The following CAPN5 variants were observed in gnomAD, a reference collection of about 807,000 sequenced individuals.
CAPN5 encodes the protein calpain-5.
CAPN5 carries 54 observed loss-of-function variants against 73.0 expected under a neutral mutation model. The observed-to-expected ratio is 0.74, with a 90% confidence interval of 0.59 to 0.93. The LOEUF (loss-of-function observed/expected upper bound fraction) is 0.93, where lower values mean the gene tolerates loss of function less well. Ranked by LOEUF, CAPN5 falls within the 40% of genes least tolerant of loss-of-function variation. The pLI is 0.00. For missense variants in CAPN5, 785 were observed against 882.9 expected, an observed-to-expected ratio of 0.89 and a Z score of 1.41; for synonymous variants, 335 against 356.9, an observed-to-expected ratio of 0.94 and a Z score of 0.69.
chr11:77,105,920 G>A (rs1313155811), intron 3 of CAPN5, among the ~76,000 whole-genome samples: 12 of 152,212 alleles, frequency 7.9e-5, no homozygotes, highest in African/African-American at 2.7e-4. Flanking sequence ...CACAGAGGGC[G>A]TGGAGGGGCT....
chr11:77,112,397 C>T (rs1205647909), intron 3 of CAPN5, among the ~76,000 whole-genome samples, 192 bp from the exon 4 acceptor site: 1 of 152,006 alleles, frequency 6.6e-6, no homozygotes, highest in South Asian at 2.1e-4. Context: ...CCAAGCCTCG[C>T]GGAGATGGGA....
intron 5 of CAPN5, among the ~76,000 whole-genome samples, chr11:77,115,113 G>GGAATATTTAACAATTTAAATATTCCC (rs1358149275): frequency 1.4e-4 from 21 of 152,134 alleles, no homozygotes; most frequent in Admixed American, 6.5e-4. Flanking sequence ...AACAATTCCT[G>GGAATATTTAACAATTTAAATATTCCC]GAATATTTAA....
At chr11:77,071,071 G>T (rs902450411) in intron 1 of CAPN5, among the ~76,000 whole-genome samples, 3 of 152,190 alleles carry the variant, frequency 2.0e-5, no homozygotes, top group Non-Finnish European at 4.4e-5. Context: ...CTTTGGGGCC[G>T]TCATTCAGCC....
At chr11:77,102,986 G>A (rs1389068584) in intron 3 of CAPN5, 9 of 1,613,304 alleles carry the variant, frequency 5.6e-6, no homozygotes, top group East Asian at 4.5e-5. Context: ...TGCAGCCAGC[G>A]GAGTCTGTGT....
At chr11:77,075,351 C>G (rs1229029353) in intron 1 of CAPN5, among the ~76,000 whole-genome samples, 1 of 152,204 alleles carries the variant, frequency 6.6e-6, no homozygotes, top group Non-Finnish European at 1.5e-5. Flanking sequence ...GGGTGCCACA[C>G]ACCTGTAGGA....
At position 77,102,183 on chromosome 11, in the gene CAPN5, C is replaced by T. The variant is rs149945927; in HGVS notation, c.297+8370C>T. ...ATGCTCACTCAAGTCTTGAGAACCA[C>T]GGGTCTGGGTGAGAGATACGGTAGC... On this transcript the variant is annotated intron_variant, in intron 3 of 12. Coordinates refer to ENST00000648180, the MANE Select transcript of CAPN5 (RefSeq NM_004055.5). Among the ~76,000 whole-genome samples the T allele has an allele frequency of 5.2e-3, 794 of 152,238 alleles. 3 individuals carry two copies. The highest frequency in any genetic ancestry group is 8.1e-3 in the Non-Finnish European group (551 of 68,024).
chr11:77,116,255 G>A lies in CAPN5; in HGVS notation c.923G>A (p.Ser308Asn). The A allele has an allele frequency of 6.2e-7, 1 of 1,613,756 alleles. No individual in the cohort carries two copies. The highest frequency in any genetic ancestry group is 8.5e-7 in the Non-Finnish European group (1 of 1,179,892). ...GAGGAGTGGCAGAAAGTGAGCAAGA[G>A]TGAGCGGGAGAAGATGGGTGTGACC... The part of the protein sequence containing the change: ...TSEEWQKVSK[S>N]EREKMGVTVQ... The change falls in exon 7 of 13, where the codon AGT becomes AAT. Residue 308 changes from serine (S) to asparagine (N), a missense_variant. Physicochemically the swap from Ser to Asn is conservative, Grantham distance 46. Coordinates refer to ENST00000648180, the MANE Select transcript of CAPN5 (RefSeq NM_004055.5).
chr11:77,082,727 A>G, intron 1 of CAPN5, among the ~76,000 whole-genome samples: 1 of 151,960 alleles, frequency 6.6e-6, no homozygotes. Context: ...CCTCCCTTCC[A>G]TCCTCCCCAG....
intron 3 of CAPN5, among the ~76,000 whole-genome samples, chr11:77,099,692 A>T (rs1327488550): frequency 1.3e-5 from 2 of 148,240 alleles, no homozygotes; most frequent in African/African-American, 5.0e-5. Context: ...TCGGCTCCAC[A>T]TGAGAGGGAG....
chr11:77,102,707 G>A, intron 3 of CAPN5: 3 of 1,077,902 alleles, frequency 2.8e-6, no homozygotes, highest in Non-Finnish European at 3.9e-6. Flanking sequence ...GCTGGGAAGA[G>A]CCAGTGGCAA....
At position 77,102,885 on chromosome 11, in the gene CAPN5, G is replaced by T. The variant is rs200579402; in HGVS notation, c.297+9072G>T. ...GCAGCCGCAGCTGGACATGCCGCTG[G>T]TCCTGGACCAGGGCCTGACCAGGCA... On this transcript the variant is annotated intron_variant, in intron 3 of 12. Transcript: ENST00000648180. The T allele has an allele frequency of 5.0e-6, 8 of 1,611,736 alleles. No homozygotes were observed. The highest frequency in any genetic ancestry group is 6.8e-6 in the Non-Finnish European group (8 of 1,179,642).
chr11:77,122,521 C>G (rs942750555), intron 11 of CAPN5, 55 bp from the exon 12 acceptor site: 3 of 1,417,466 alleles, frequency 2.1e-6, no homozygotes, highest in Non-Finnish European at 2.9e-6. Context: ...ATATCTGTGG[C>G]CCTGCCACAG....
intron 2 of CAPN5, among the ~76,000 whole-genome samples, chr11:77,088,675 G>A (rs1247717925): frequency 1.3e-5 from 2 of 152,154 alleles, no homozygotes; most frequent in Non-Finnish European, 2.9e-5. Flanking sequence ...TGGTGACTAG[G>A]GTGAAGCTGG....
At chr11:77,073,031 A>G in intron 1 of CAPN5, 1 of 1,265,204 alleles carries the variant, frequency 7.9e-7, no homozygotes, top group South Asian at 1.2e-5. Flanking sequence ...CACAGCCCCC[A>G]CCCCACCCCG....
Position 77,123,841 on chromosome 11 carries a change from C to A in CAPN5, c.1894C>A (p.Leu632Ile), listed in dbSNP as rs111264315. The A allele has an allele frequency of 4.2e-3, 6,727 of 1,613,774 alleles. 22 individuals carry two copies. Among genetic ancestry groups the A allele is most frequent in the Non-Finnish European group, 4.5e-3 (5,260 of 1,179,980 alleles). Reference sequence around the variant, plus strand: ...GCCAGGCACTGTGGCCGTGCACATTCTCAGCAGCACCTCCCTCATGGCTGT... The same window carrying A: ...GCCAGGCACTGTGGCCGTGCACATTATCAGCAGCACCTCCCTCATGGCTGT... ...NLPGTVAVHI[L>I]SSTSLMAV The change falls in exon 13 of 13, where the codon CTC (leucine) becomes ATC (isoleucine). Residue 632 changes from leucine to isoleucine, a missense_variant. Physicochemically the swap from Leu to Ile is conservative, Grantham distance 5. Coordinates refer to ENST00000648180, the MANE Select transcript of CAPN5 (RefSeq NM_004055.5).
rs369500943 is a variant in CAPN5 at position 77,116,293 on chromosome 11, G to A, written c.961G>A (p.Gly321Ser). 6.2e-6 allele frequency: 10 copies of A among 1,612,690 alleles called. No homozygotes were observed. The highest frequency in any genetic ancestry group is 8.5e-6 in the Non-Finnish European group (10 of 1,179,412). Reference protein sequence around the residue: ...EKMGVTVQDDGEFWMTFEDVC... With the variant: ...EKMGVTVQDDSEFWMTFEDVC... The stretch of plus-strand genomic sequence containing the variant: ...GATGGGTGTGACCGTGCAGGACGAC[G>A]GTGAGTTCTGGTGAGTGTGTATGTG... The change falls in exon 7 of 13, where the codon GGT becomes AGT. Residue 321 changes from glycine to serine, a missense_variant. Transcript: ENST00000648180.
intron 2 of CAPN5, among the ~76,000 whole-genome samples, chr11:77,090,749 C>T (rs1555036381): frequency 6.6e-6 from 1 of 152,174 alleles, no homozygotes; most frequent in African/African-American, 2.4e-5. Flanking sequence ...TATATGGAAG[C>T]CCCTCTCCCT....
chr11:77,120,062 G>GTTTT (rs1215907608), intron 9 of CAPN5: 2 of 152,154 alleles, frequency 1.3e-5, no homozygotes, highest in East Asian at 3.9e-4. Flanking sequence ...TTGTTTGTTT[G>GTTTT]TTTTACAGAG....
intron 1 of CAPN5, among the ~76,000 whole-genome samples, chr11:77,079,197 A>G (rs1457962430): frequency 1.3e-5 from 2 of 151,816 alleles, no homozygotes; most frequent in Non-Finnish European, 2.9e-5. Flanking sequence ...GGGTCTTGCT[A>G]TCTTCCTGAG....
Sources: allele counts gnomAD v4.1 joint callset (sites outside exome capture counted in the v4.1 genomes callset), GRCh38; gene constraint gnomAD v4.1.1; transcripts MANE v1.5; gene names NCBI Gene and HGNC (gene_info 2026-07-23, HGNC 2026-07-21).